DLGAP3: variants seen among roughly 807,000 people sequenced by gnomAD.
The protein encoded by DLGAP3 is disks large-associated protein 3.
Under a neutral mutation model 81.2 loss-of-function variants are expected in DLGAP3, and 17 were observed. The observed-to-expected ratio is 0.21, with a 90% CI of 0.14 to 0.31. The LOEUF is 0.31. DLGAP3 is among the 10% of genes least tolerant of loss of function. DLGAP3 has a pLI of 1.00. For missense variants in DLGAP3, 1,124 were observed against 1,388.0 expected (o/e 0.81, Z 3.02); for synonymous variants, 577 against 587.4 (o/e 0.98, Z 0.26).
In DLGAP3 at chr1:34,898,692, C is replaced by T. The variant is rs187722212; in HGVS notation, c.1386+977G>A. On this transcript the variant is annotated intron_variant, in intron 5 of 11. Coordinates refer to ENST00000373347, the MANE Select transcript of DLGAP3 (RefSeq NM_001080418.3). ...ATTTTTAAAAAGGGAAAGTGGGGCT[C>T]AAAAAAAGTCAAGTAACTTGCCCCA... Among the ~76,000 whole-genome samples, 16 of 152,176 alleles carry T rather than the reference C, an allele frequency of 1.1e-4. No homozygotes were observed. In the East Asian group the frequency reaches 2.9e-3, roughly 28 times the overall value.
chr1:34,906,604 C>G (rs973880759), intron 2 of DLGAP3, among the ~76,000 whole-genome samples: 1 of 152,122 alleles, frequency 6.6e-6, no homozygotes, highest in African/African-American at 2.4e-5. Context: ...GCCTTTTACC[C>G]CCACCCTCCA....
chr1:34,913,267 C>T (rs573699057), intron 1 of DLGAP3, among the ~76,000 whole-genome samples: 1 of 152,282 alleles, frequency 6.6e-6, no homozygotes, highest in Admixed American at 6.5e-5. Context: ...AGCTCCAAAA[C>T]ACTCGAGCCA....
rs1638903556 is a variant in DLGAP3 at position 34,867,455 on chromosome 1, G to A, written c.2577+81C>T. 2 of 1,296,836 alleles carry A rather than the reference G, an allele frequency of 1.5e-6. No individual in the cohort carries two copies. Among genetic ancestry groups the A allele is most frequent in the Non-Finnish European group, 2.2e-6 (2 of 890,994 alleles). The allele number at this position is 1,296,836 out of a possible 1,614,324, so 80.3% of individuals were successfully genotyped here. ...CACCTCTGGTACACACTCACTCTGG[G>A]TCACCTGCCTGTCTCACCTCCAGCA... is the stretch of plus-strand genomic sequence containing the variant. On this transcript the variant is annotated intron_variant, in intron 10 of 11. Coordinates refer to ENST00000373347, the MANE Select transcript of DLGAP3 (RefSeq NM_001080418.3). This position sits in a 1 kb window ranked among gnomAD's most constrained non-coding sequence, Gnocchi z 4.3.
chr1:34,881,600 CTT>C (rs35552855), intron 8 of DLGAP3, among the ~76,000 whole-genome samples: 1 of 145,332 alleles, frequency 6.9e-6, no homozygotes, highest in Non-Finnish European at 1.5e-5. Context: ...TCTAAGCTGG[CTT>C]TTTTTTTTTA....
chr1:34,884,851 A>G, intron 8 of DLGAP3, 127 bp downstream of exon 8: 1 of 769,304 alleles, frequency 1.3e-6, no homozygotes. Flanking sequence ...ACCACCCTCT[A>G]TAAAAAGGCT....
At chr1:34,923,413 G>A (rs779573279) in intron 1 of DLGAP3, among the ~76,000 whole-genome samples, 1 of 152,144 alleles carries the variant, frequency 6.6e-6, no homozygotes, top group African/African-American at 2.4e-5. Flanking sequence ...AACAAAAGAA[G>A]CAAGTATTTT....
intron 8 of DLGAP3, among the ~76,000 whole-genome samples, chr1:34,870,458 C>T (rs1638963143): frequency 6.6e-6 from 1 of 152,126 alleles, no homozygotes; most frequent in Non-Finnish European, 1.5e-5. Flanking sequence ...AGAGACTCTC[C>T]CAACCCCCGC....
At chr1:34,874,962 C>T (rs1639029425) in intron 8 of DLGAP3, among the ~76,000 whole-genome samples, 2 of 152,042 alleles carry the variant, frequency 1.3e-5, no homozygotes, top group Non-Finnish European at 2.9e-5. Context: ...TCACTGAACC[C>T]ACCACTCCAG....
intron 8 of DLGAP3, among the ~76,000 whole-genome samples, chr1:34,881,678 C>T (rs796149304): frequency 6.6e-6 from 1 of 151,350 alleles, no homozygotes; most frequent in African/African-American, 2.4e-5. Flanking sequence ...CAAATTTAAT[C>T]CAAACTGACA....
chr1:34,872,599 ATTAAG>A (rs1638996994), intron 8 of DLGAP3, among the ~76,000 whole-genome samples: 3 of 152,364 alleles, frequency 2.0e-5, no homozygotes. Flanking sequence ...TGCAGATGCG[ATTAAG>A]TTAAGGATAC....
intron 8 of DLGAP3, among the ~76,000 whole-genome samples, chr1:34,881,411 T>A (rs1030139189): frequency 6.6e-6 from 1 of 152,176 alleles, no homozygotes; most frequent in African/African-American, 2.4e-5. Context: ...ATGAAACTGG[T>A]TGTGTGTAAC....
chr1:34,867,461 T>C lies in DLGAP3; in HGVS notation c.2577+75A>G, dbSNP rs1192049574. On this transcript the variant is annotated intron_variant, in intron 10 of 11. Transcript: ENST00000373347. This position sits in a 1 kb window ranked among gnomAD's most constrained non-coding sequence, Gnocchi z 4.3. ...TGGTACACACTCACTCTGGGTCACC[T>C]GCCTGTCTCACCTCCAGCACACACA... The C allele has an allele frequency of 1.5e-6, 2 of 1,350,694 alleles. No homozygotes were observed. The highest frequency in any genetic ancestry group is 2.1e-6 in the Non-Finnish European group (2 of 939,800). The allele number at this position is 1,350,694 out of a possible 1,614,324, so 83.7% of individuals were successfully genotyped here.
intron 5 of DLGAP3, among the ~76,000 whole-genome samples, chr1:34,889,157 G>A (rs1639277889): frequency 6.6e-6 from 1 of 152,152 alleles, no homozygotes; most frequent in African/African-American, 2.4e-5. Context: ...CTCAGAATGA[G>A]AAGTGCCTCT....
At chr1:34,924,665 T>TA (rs1323230228) in intron 1 of DLGAP3, among the ~76,000 whole-genome samples, 4 of 151,818 alleles carry the variant, frequency 2.6e-5, no homozygotes, top group East Asian at 3.9e-4. Context: ...CTTGTTGCGC[T>TA]AAAAAAAAGT....
At chr1:34,894,758 A>G (rs1639359327) in intron 5 of DLGAP3, among the ~76,000 whole-genome samples, 1 of 152,216 alleles carries the variant, frequency 6.6e-6, no homozygotes, top group South Asian at 2.1e-4. Context: ...ATGAGATGTA[A>G]GGAGGTAAAG....
intron 5 of DLGAP3, among the ~76,000 whole-genome samples, chr1:34,897,693 G>A (rs551259901): frequency 1.3e-5 from 2 of 152,346 alleles, no homozygotes; most frequent in African/African-American, 4.8e-5. Flanking sequence ...TGTAATGAGA[G>A]AGGATGAAGT....
intron 5 of DLGAP3, among the ~76,000 whole-genome samples, chr1:34,896,461 C>T (rs1378148004): frequency 1.3e-5 from 2 of 152,012 alleles, no homozygotes; most frequent in African/African-American, 4.8e-5. Flanking sequence ...TGGTGGCGCA[C>T]ACGTGTAATC....
chr1:34,926,409 C>T (rs578067126), intron 1 of DLGAP3, among the ~76,000 whole-genome samples: 46 of 152,296 alleles, frequency 3.0e-4, no homozygotes, highest in East Asian at 1.9e-4. Context: ...ACTCCCCAGA[C>T]GGCAGGAGGC....
intron 1 of DLGAP3, among the ~76,000 whole-genome samples, chr1:34,909,219 A>G (rs1639604359): frequency 6.6e-6 from 1 of 152,332 alleles, no homozygotes; most frequent in South Asian, 2.1e-4. Context: ...CTCAGCTTTC[A>G]TCAAGATCCT....
Sources: allele counts gnomAD v4.1 joint callset (sites outside exome capture counted in the v4.1 genomes callset), GRCh38; gene constraint gnomAD v4.1.1; non-coding constraint Gnocchi (gnomAD v3.1); transcripts MANE v1.5; gene names NCBI Gene and HGNC (gene_info 2026-07-23, HGNC 2026-07-21).